The following SUMF1 variants were observed in gnomAD, a reference collection of about 807,000 sequenced individuals.
SUMF1 encodes the protein formylglycine-generating enzyme.
A neutral mutation model predicts 47.6 loss-of-function variants in SUMF1; 48 were observed. That is an observed-to-expected ratio of 1.01 (90% CI 0.80 to 1.28). The LOEUF is 1.28. SUMF1 is among the 50% of genes most tolerant of loss of function. The pLI, the probability that SUMF1 is intolerant of heterozygous loss-of-function variation, is 0.00. For missense variants in SUMF1, 571 were observed against 485.4 expected, an observed-to-expected ratio of 1.18 and a Z score of -1.66; for synonymous variants, 230 against 192.1, an observed-to-expected ratio of 1.20 and a Z score of -1.63.
At chr3:4,106,781 T>C (rs867753997) in intron 8 of SUMF1, among the ~76,000 whole-genome samples, 2 of 152,196 alleles carry the variant, frequency 1.3e-5, no homozygotes, top group South Asian at 2.1e-4. Flanking sequence ...TAACTGAAGA[T>C]GTCAAACTTG....
intron 8 of SUMF1, among the ~76,000 whole-genome samples, chr3:4,203,211 T>C (rs1160860493): frequency 3.3e-5 from 5 of 152,024 alleles, no homozygotes; most frequent in Non-Finnish European, 7.4e-5. Flanking sequence ...ACCTATTGTA[T>C]TGGGGTCTAT....
intron 8 of SUMF1, among the ~76,000 whole-genome samples, chr3:4,121,266 T>A (rs1693534150): frequency 6.6e-6 from 1 of 152,130 alleles, no homozygotes; most frequent in Non-Finnish European, 1.5e-5. Context: ...ATAAAACAAC[T>A]GAGTCCAAAA....
At chr3:4,226,987 G>A (rs1394376797) in intron 8 of SUMF1, among the ~76,000 whole-genome samples, 1 of 152,090 alleles carries the variant, frequency 6.6e-6, no homozygotes, top group South Asian at 2.1e-4. Flanking sequence ...GATTCAGGAG[G>A]CATGGGGTGG....
intron 9 of SUMF1, among the ~76,000 whole-genome samples, chr3:4,060,678 A>T (rs811601): frequency 0.94 from 142,138 of 151,272 alleles, 67,086 homozygotes; most frequent in Non-Finnish European, 1. Context: ...TTTTGCCATC[A>T]AATGAGTTTG....
At chr3:4,342,450 T>C (rs1699291368) in intron 8 of SUMF1, among the ~76,000 whole-genome samples, 1 of 152,184 alleles carries the variant, frequency 6.6e-6, no homozygotes, top group Non-Finnish European at 1.5e-5. Flanking sequence ...TAAGAATAGC[T>C]TGAACCCAGA....
chr3:4,235,503 C>T (rs78087639), intron 8 of SUMF1, among the ~76,000 whole-genome samples: 2,507 of 152,064 alleles, frequency 0.016, 76 homozygotes, highest in African/African-American at 0.058. Flanking sequence ...CTTAGGATAA[C>T]CAATTAGTAA....
At chr3:4,119,810 C>A (rs1693499322) in intron 8 of SUMF1, among the ~76,000 whole-genome samples, 1 of 152,088 alleles carries the variant, frequency 6.6e-6, no homozygotes, top group African/African-American at 2.4e-5. Context: ...AGAGTACAGG[C>A]ACATGCAGGA....
chr3:4,238,012 T>C (rs1420890757), intron 8 of SUMF1, among the ~76,000 whole-genome samples: 3 of 152,078 alleles, frequency 2.0e-5, no homozygotes, highest in South Asian at 4.2e-4. Flanking sequence ...CTCCCACTTA[T>C]GAGTGAGAAC....
At chr3:4,040,786 C>T (rs143084444) in intron 9 of SUMF1, among the ~76,000 whole-genome samples, 2 of 152,112 alleles carry the variant, frequency 1.3e-5, no homozygotes, top group Non-Finnish European at 2.9e-5. Flanking sequence ...TTACTAGATG[C>T]AGAGTAACTA....
intron 8 of SUMF1, among the ~76,000 whole-genome samples, chr3:4,084,046 G>A (rs1404795285): frequency 1.3e-5 from 2 of 152,030 alleles, no homozygotes; most frequent in South Asian, 2.1e-4. Context: ...AAGAAAAATG[G>A]GTTCATGGAG....
At chr3:4,415,190 G>A (rs541356464) in intron 6 of SUMF1, among the ~76,000 whole-genome samples, 1 of 138,392 alleles carries the variant, frequency 7.2e-6, no homozygotes, top group African/African-American at 2.8e-5. Context: ...TCACGCCACT[G>A]CACTCCAGCC....
At chr3:4,271,994 T>C (rs1226046086) in intron 8 of SUMF1, among the ~76,000 whole-genome samples, 1 of 152,190 alleles carries the variant, frequency 6.6e-6, no homozygotes, top group Non-Finnish European at 1.5e-5. Context: ...GGAATCTCTG[T>C]CATAATTAAA....
intron 8 of SUMF1, among the ~76,000 whole-genome samples, chr3:4,128,275 T>C (rs930595266): frequency 3.3e-5 from 5 of 152,132 alleles, no homozygotes; most frequent in Non-Finnish European, 7.4e-5. Context: ...GTGTCTACTG[T>C]TAAAGTGAGG....
intron 8 of SUMF1, among the ~76,000 whole-genome samples, chr3:4,171,405 G>T (rs1467866026): frequency 6.6e-6 from 1 of 152,184 alleles, no homozygotes; most frequent in East Asian, 1.9e-4. Flanking sequence ...TTAGCTAACA[G>T]TTAGACTTGA....
intron 8 of SUMF1, among the ~76,000 whole-genome samples, chr3:4,141,668 C>T (rs1479646054): frequency 6.6e-6 from 1 of 150,734 alleles, no homozygotes; most frequent in Non-Finnish European, 1.5e-5. Context: ...GCTTCAAAGC[C>T]TCAAACAAAC....
Position 4,170,470 on chromosome 3 carries a change from A to C in SUMF1, c.1015-101725T>G, listed in dbSNP as rs1694809114. On this transcript the variant is annotated intron_variant and NMD_transcript_variant, in intron 8 of 12. Transcript: ENST00000448413. ...TTTATGCTGACCAATGCACCAATTT[A>C]AGCGTGATGTAAGACAGGAGTGGGG... is the stretch of plus-strand genomic sequence containing the variant. Among the ~76,000 whole-genome samples, 2 of 152,194 alleles carry C rather than the reference A, an allele frequency of 1.3e-5. 1 individual carries two copies. Among genetic ancestry groups the C allele is most frequent in the Non-Finnish European group, 2.9e-5 (2 of 68,032 alleles).
At chr3:4,367,811 C>A (rs1374898144) in intron 8 of SUMF1, among the ~76,000 whole-genome samples, 1 of 151,508 alleles carries the variant, frequency 6.6e-6, no homozygotes, top group African/African-American at 2.4e-5. Flanking sequence ...GGATCCCTTC[C>A]TTACACCTTA....
chr3:4,276,705 G>A (rs1051786278), intron 8 of SUMF1, among the ~76,000 whole-genome samples: 4 of 152,000 alleles, frequency 2.6e-5, no homozygotes, highest in Admixed American at 6.6e-5. Context: ...AACAAGCTAC[G>A]GTATTTCTTT....
At chr3:4,210,609 C>CA (rs1301591209) in intron 8 of SUMF1, among the ~76,000 whole-genome samples, 7 of 152,026 alleles carry the variant, frequency 4.6e-5, no homozygotes, top group African/African-American at 1.7e-4. Context: ...CCACAATGCA[C>CA]AAAAATTTTT....
Sources: allele counts gnomAD v4.1 joint callset (sites outside exome capture counted in the v4.1 genomes callset), GRCh38; gene constraint gnomAD v4.1.1; transcripts MANE v1.5; gene names NCBI Gene and HGNC (gene_info 2026-07-23, HGNC 2026-07-21).